Variants in COA8 observed in about 807,000 individuals in gnomAD.
COA8 encodes cytochrome c oxidase assembly factor 8, also known as UPF0671 protein C14orf153.
In COA8, 20 loss-of-function variants were observed where a neutral mutation model predicts 22.0. The ratio of observed to expected loss-of-function variants is 0.91; its 90% CI spans 0.64 to 1.32. COA8 has a LOEUF of 1.32. Ranked by LOEUF, COA8 falls within the 40% of genes most tolerant of loss-of-function variation. The pLI, the probability that COA8 is intolerant of heterozygous loss-of-function variation, is 0.00. For synonymous variants in COA8, 105 were observed against 79.9 expected (o/e 1.31, Z -1.68); for missense variants, 266 against 230.0 (o/e 1.16, Z -1.01).
At position 103,572,908 on chromosome 14, in the gene COA8, G is replaced by A. The variant is rs147014034; in HGVS notation, c.321+1088G>A. Among the ~76,000 whole-genome samples the A allele has an allele frequency of 7.2e-3, 1,082 of 150,136 alleles. 6 individuals carry two copies. The highest frequency in any genetic ancestry group is 0.011 in the Non-Finnish European group (712 of 67,510). ...GGTGATTCTCTTGCCTCACCCTCCC[G>A]AGTAGCTGGGATTACAGGCACACAC... On this transcript the variant is annotated intron_variant, in intron 2 of 4. Transcript: ENST00000409074.
At chr14:103,588,317 C>G (rs2076326114) in intron 4 of COA8, 1 of 396,330 alleles carries the variant, frequency 2.5e-6, no homozygotes, top group African/African-American at 2.1e-5. Context: ...GAGTTCAAGA[C>G]CAGTCTGGGC....
chr14:103,568,198 A>G (rs868178424), intron 1 of COA8, among the ~76,000 whole-genome samples: 1 of 152,166 alleles, frequency 6.6e-6, no homozygotes, highest in East Asian at 1.9e-4. Flanking sequence ...TGTGTCATGT[A>G]CGGGCACTTC....
intron 3 of COA8, among the ~76,000 whole-genome samples, chr14:103,580,267 A>G (rs1368805906): frequency 6.7e-6 from 1 of 149,222 alleles, no homozygotes; most frequent in Non-Finnish European, 1.5e-5. Flanking sequence ...TTTTTTGTAG[A>G]ATTTTTTTCT....
chr14:103,588,011 GAGGCTC>G (rs1418203180), intron 4 of COA8: 1 of 240,306 alleles, frequency 4.2e-6, no homozygotes, highest in Non-Finnish European at 7.9e-6. Flanking sequence ...AGCTGCTCCG[GAGGCTC>G]AGTCAGGAGA....
intron 4 of COA8, 54 bp from the exon 5 acceptor site, chr14:103,590,127 C>T: frequency 6.6e-7 from 1 of 1,510,858 alleles, no homozygotes; most frequent in South Asian, 1.1e-5. Context: ...GGCCAGGGCA[C>T]CAAGCCTCAG....
Position 103,590,712 on chromosome 14 carries a change from T to C in COA8, c.*426T>C, listed in dbSNP as rs1411239355. On this transcript the variant is annotated 3_prime_UTR_variant, in exon 5 of 5. Coordinates refer to ENST00000409074, the MANE Select transcript of COA8 (RefSeq NM_001370595.2). ...GCAAAACCCTGTCTCTACAAAAAATTAGCTGGGTGTGGTGGCACGCACCTG... is the reference window on the plus strand; with the variant it reads ...GCAAAACCCTGTCTCTACAAAAAATCAGCTGGGTGTGGTGGCACGCACCTG... The C allele has an allele frequency of 1.3e-5, 2 of 155,828 alleles. No homozygotes were observed. Among genetic ancestry groups the C allele is most frequent in the Non-Finnish European group, 2.8e-5 (2 of 70,454 alleles). 9.7% of individuals were successfully genotyped at this position (155,828 alleles called of 1,614,324 possible).
intron 1 of COA8, 58 bp downstream of exon 1, chr14:103,563,182 C>G (rs1004752231): frequency 6.7e-7 from 1 of 1,502,598 alleles, no homozygotes; most frequent in African/African-American, 1.4e-5. Flanking sequence ...GAAGACAAAC[C>G]CGGGCCTCGG....
chr14:103,588,315 G>T, intron 4 of COA8: 1 of 396,662 alleles, frequency 2.5e-6, no homozygotes, highest in South Asian at 1.3e-4. Flanking sequence ...AGGAGTTCAA[G>T]ACCAGTCTGG....
chr14:103,574,324 C>A, intron 3 of COA8, 154 bp downstream of exon 3: 1 of 970,114 alleles, frequency 1.0e-6, no homozygotes, highest in Non-Finnish European at 1.6e-6. Context: ...TCCAAGTTCT[C>A]TTGCACACCC....
In COA8 at chr14:103,571,715, A is replaced by G. The variant is rs756869402; in HGVS notation, c.216A>G (p.Ile72Met). Residue 72 changes from isoleucine to methionine, a missense_variant, in exon 2 of 5, where the codon ATA becomes ATG. Transcript: ENST00000409074. The stretch of plus-strand genomic sequence containing the variant: ...ACCTTCGACCTGTTCACTTTTACAT[A>G]CCTGAAAATGAATCTCCATTGGAAC... The part of the protein sequence containing the change: ...YSNLRPVHFY[I>M]PENESPLEQK... 33 of 1,614,072 alleles carry G rather than the reference A, an allele frequency of 2.0e-5. No individual in the cohort carries two copies. The South Asian group carries it at 3.0e-4, about 14-fold the overall frequency.
chr14:103,574,328 C>A, intron 3 of COA8, 158 bp downstream of exon 3: 1 of 950,380 alleles, frequency 1.1e-6, no homozygotes, highest in Non-Finnish European at 1.7e-6. Flanking sequence ...AGTTCTCTTG[C>A]ACACCCAGTT....
chr14:103,585,898 T>G (rs1205566508), intron 3 of COA8, among the ~76,000 whole-genome samples: 2 of 149,878 alleles, frequency 1.3e-5, no homozygotes, highest in Admixed American at 6.7e-5. Flanking sequence ...TGTTTTTTGT[T>G]TTTTTTTGTT....
intron 1 of COA8, among the ~76,000 whole-genome samples, chr14:103,568,431 G>A (rs1276092105): frequency 2.7e-5 from 4 of 148,936 alleles, no homozygotes; most frequent in African/African-American, 7.4e-5. Context: ...AAGGAGATAT[G>A]TATATATATA....
chr14:103,590,163 TC>T lies in COA8; in HGVS notation c.477-16del. The T allele has an allele frequency of 6.2e-7, 1 of 1,606,014 alleles. No individual in the cohort carries two copies. Among genetic ancestry groups the T allele is most frequent in the African/African-American group, 1.3e-5 (1 of 74,858 alleles). On this transcript the variant is annotated splice_polypyrimidine_tract_variant and intron_variant, in intron 4 of 4. Coordinates refer to ENST00000409074, the MANE Select transcript of COA8 (RefSeq NM_001370595.2). Reference sequence around the variant, plus strand: ...TCCCTGCCACCGTGTCACCTGTGCATCCTCTGTTTCTCTACAGAGATTGGTA... The same window carrying T: ...TCCCTGCCACCGTGTCACCTGTGCATCTCTGTTTCTCTACAGAGATTGGTA...
At chr14:103,573,127 G>A (rs1164269940) in intron 2 of COA8, among the ~76,000 whole-genome samples, 3 of 151,980 alleles carry the variant, frequency 2.0e-5, no homozygotes, top group East Asian at 1.9e-4. Context: ...AACTGTGTAA[G>A]AAAGAAGTAT....
intron 3 of COA8, among the ~76,000 whole-genome samples, chr14:103,577,226 C>T (rs2076236129): frequency 6.6e-6 from 1 of 151,842 alleles, no homozygotes; most frequent in Admixed American, 6.6e-5. Flanking sequence ...CCCGCCCCCA[C>T]ACCTGGCTAA....
chr14:103,572,346 G>T (rs2076194324), intron 2 of COA8, among the ~76,000 whole-genome samples: 1 of 152,174 alleles, frequency 6.6e-6, no homozygotes, highest in East Asian at 1.9e-4. Context: ...CACAGATCTT[G>T]AGACTTTGAA....
intron 3 of COA8, among the ~76,000 whole-genome samples, chr14:103,579,789 C>T (rs1451374823): frequency 6.6e-6 from 1 of 151,260 alleles, no homozygotes; most frequent in Admixed American, 6.6e-5. Flanking sequence ...AATGTGAAAT[C>T]CCGTCTATAC....
At chr14:103,582,102 G>A (rs1463872368) in intron 3 of COA8, among the ~76,000 whole-genome samples, 2 of 152,166 alleles carry the variant, frequency 1.3e-5, no homozygotes, top group Non-Finnish European at 2.9e-5. Context: ...CGTGGCCTCC[G>A]CGCCTCCTCA....
Sources: allele counts gnomAD v4.1 joint callset (sites outside exome capture counted in the v4.1 genomes callset), GRCh38; gene constraint gnomAD v4.1.1; transcripts MANE v1.5; gene names NCBI Gene and HGNC (gene_info 2026-07-23, HGNC 2026-07-21).